The following NDUFA8 variants were observed in gnomAD, a reference collection of about 807,000 sequenced individuals.
NDUFA8 encodes NADH dehydrogenase [ubiquinone] 1 alpha subcomplex subunit 8.
Under a neutral mutation model 20.9 loss-of-function variants are expected in NDUFA8, and 16 were observed. The observed-to-expected ratio is 0.77, with a 90% CI of 0.52 to 1.16. NDUFA8 has a LOEUF of 1.16. NDUFA8 is among the 50% of genes most tolerant of loss of function. NDUFA8 has a pLI of 0.00. For missense variants in NDUFA8, 202 were observed against 216.4 expected (o/e 0.93, Z 0.42); for synonymous variants, 70 against 76.1 (o/e 0.92, Z 0.41).
chr9:122,133,159 C>T, the NDUFA8 span, among the ~76,000 whole-genome samples: 1 of 152,098 alleles, frequency 6.6e-6, no homozygotes, highest in Non-Finnish European at 1.5e-5. Context: ...AAATAAGTGG[C>T]CGAGCTGGGA....
intron 1 of NDUFA8, among the ~76,000 whole-genome samples, chr9:122,155,587 C>A (rs563059393): frequency 2.0e-5 from 3 of 152,108 alleles, no homozygotes; most frequent in African/African-American, 7.2e-5. Context: ...TGTTTAAAAT[C>A]TGTAAAGTTT....
chr9:122,148,043 G>T (rs1455828898), intron 3 of NDUFA8, 69 bp downstream of exon 3: 20 of 1,587,204 alleles, frequency 1.3e-5, no homozygotes, highest in Non-Finnish European at 1.7e-5. Flanking sequence ...GAGACCCTTT[G>T]CTGACCACCT....
chr9:122,147,041 G>A (rs1485900483), intron 3 of NDUFA8, among the ~76,000 whole-genome samples: 2 of 152,150 alleles, frequency 1.3e-5, no homozygotes, highest in Admixed American at 6.5e-5. Flanking sequence ...GAGAGTCCCC[G>A]TACAGTTTTT....
In NDUFA8 at chr9:122,151,663, T is replaced by C. The variant is rs573747671; in HGVS notation, c.215+582A>G. ...AGCCCTTGAATCCAGCCCTGCCTGA[T>C]GCCAGGCCTATTTCTGGACTTCAGA... is the stretch of plus-strand genomic sequence containing the variant. On this transcript the variant is annotated intron_variant, in intron 2 of 3. Transcript: ENST00000373768. Among the ~76,000 whole-genome samples, 13 of 152,376 alleles carry C rather than the reference T, an allele frequency of 8.5e-5. 1 individual carries two copies. The South Asian group carries it at 2.7e-3, about 32-fold the overall frequency.
At position 122,148,253 on chromosome 9, in the gene NDUFA8, C is replaced by A; in HGVS notation, c.240G>T (p.Glu80Asp). The A allele has an allele frequency of 1.2e-6, 2 of 1,614,162 alleles. No homozygotes were observed. The highest frequency in any genetic ancestry group is 1.7e-6 in the Non-Finnish European group (2 of 1,180,026). Residue 80 changes from glutamate to aspartate, a missense_variant, in exon 3 of 4, where the codon GAG becomes GAT. Transcript: ENST00000373768. ...FFRQIKRHCA[E>D]PFTEYWTCID... is the part of the protein sequence containing the mutation. ...TGCAAGTCCAATATTCTGTAAAAGGCTCTGCACAGTGACGTTTTATCTGCC... is the reference window on the plus strand; with the variant it reads ...TGCAAGTCCAATATTCTGTAAAAGGATCTGCACAGTGACGTTTTATCTGCC...
chr9:122,153,617 G>A (rs1318191123), intron 1 of NDUFA8, among the ~76,000 whole-genome samples: 1 of 152,170 alleles, frequency 6.6e-6, no homozygotes, highest in African/African-American at 2.4e-5. Context: ...AGCTGCTTAA[G>A]CAAGAGACCT....
chr9:122,139,571 C>T (rs895950723), downstream of NDUFA8, among the ~76,000 whole-genome samples: 1 of 152,192 alleles, frequency 6.6e-6, no homozygotes, highest in Non-Finnish European at 1.5e-5. Context: ...AATGTGTTTC[C>T]AGAGTTCTAG....
intron 3 of NDUFA8, among the ~76,000 whole-genome samples, chr9:122,144,822 G>A (rs1480446096): frequency 2.0e-5 from 3 of 152,192 alleles, no homozygotes; most frequent in African/African-American, 7.2e-5. Context: ...GCAGGAGCCA[G>A]TCAGAAAGGC....
At chr9:122,149,075 AG>A (rs1450648607) in intron 2 of NDUFA8, among the ~76,000 whole-genome samples, 2 of 152,236 alleles carry the variant, frequency 1.3e-5, no homozygotes, top group Non-Finnish European at 2.9e-5. Flanking sequence ...GCCATACTTG[AG>A]GCAGTGAAAT....
At chr9:122,154,936 T>C (rs1829056577) in intron 1 of NDUFA8, among the ~76,000 whole-genome samples, 1 of 152,238 alleles carries the variant, frequency 6.6e-6, no homozygotes, top group Non-Finnish European at 1.5e-5. Flanking sequence ...ACATAGAGCA[T>C]TAACAGATTT....
downstream of NDUFA8, among the ~76,000 whole-genome samples, chr9:122,139,725 A>C (rs1201832486): frequency 6.6e-6 from 1 of 151,876 alleles, no homozygotes; most frequent in Non-Finnish European, 1.5e-5. Context: ...ACAGATTCTC[A>C]CTCTGTCACC....
intron 1 of NDUFA8, among the ~76,000 whole-genome samples, chr9:122,159,154 T>C (rs1298886096): frequency 6.6e-6 from 1 of 152,170 alleles, no homozygotes; most frequent in Non-Finnish European, 1.5e-5. Flanking sequence ...TGTGAGTAGA[T>C]GCACGCTCCA....
chr9:122,159,736 G>C lies in NDUFA8; in HGVS notation c.-59C>G, dbSNP rs545353300. 5.3e-5 allele frequency: 86 copies of C among 1,611,978 alleles called. No individual in the cohort carries two copies. The highest frequency in any genetic ancestry group is 6.4e-5 in the Non-Finnish European group (75 of 1,178,740). On this transcript the variant is annotated 5_prime_UTR_variant, in exon 1 of 4. It introduces an in-frame stop codon into an upstream open reading frame of the 5' UTR. Coordinates refer to ENST00000373768, the MANE Select transcript of NDUFA8 (RefSeq NM_014222.3). ...TCAGCCGCGTCGCCCCCGTCTCCTT[G>C]AACTCCCCTTTCGACCGCCGAGTGC...
At chr9:122,150,100 GA>G (rs2118705964) in intron 2 of NDUFA8, among the ~76,000 whole-genome samples, 1 of 152,174 alleles carries the variant, frequency 6.6e-6, no homozygotes, top group South Asian at 2.1e-4. Context: ...CAGCGCTGAG[GA>G]CAGCATAAAT....
At chr9:122,134,429 A>G in the NDUFA8 span, among the ~76,000 whole-genome samples, 1 of 152,206 alleles carries the variant, frequency 6.6e-6, no homozygotes, top group Non-Finnish European at 1.5e-5. Flanking sequence ...AGGAACGCCT[A>G]TTTCATGAAG....
chr9:122,157,817 C>A (rs1829096908), intron 1 of NDUFA8, among the ~76,000 whole-genome samples: 1 of 152,198 alleles, frequency 6.6e-6, no homozygotes, highest in Admixed American at 6.5e-5. Context: ...ACAGTTGCCA[C>A]TCTCACAGGC....
the NDUFA8 span, among the ~76,000 whole-genome samples, chr9:122,138,176 T>C: frequency 6.6e-6 from 1 of 152,208 alleles, no homozygotes; most frequent in African/African-American, 2.4e-5. Flanking sequence ...CATCAACTCT[T>C]CCATCAGAGC....
At chr9:122,137,010 C>T in the NDUFA8 span, among the ~76,000 whole-genome samples, 11 of 152,080 alleles carry the variant, frequency 7.2e-5, no homozygotes, top group South Asian at 2.1e-4. Context: ...TTAATCTTCC[C>T]GATCCATTCC....
downstream of NDUFA8, among the ~76,000 whole-genome samples, chr9:122,139,189 T>C (rs1828785314): frequency 6.6e-6 from 1 of 152,186 alleles, no homozygotes; most frequent in Non-Finnish European, 1.5e-5. Flanking sequence ...AGCCCTGCCC[T>C]GCCTTGGGGT....
Sources: allele counts gnomAD v4.1 joint callset (sites outside exome capture counted in the v4.1 genomes callset), GRCh38; gene constraint gnomAD v4.1.1; transcripts MANE v1.5; gene names NCBI Gene and HGNC (gene_info 2026-07-23, HGNC 2026-07-21).